The following CCDC125 variants were observed in gnomAD, a reference collection of about 807,000 sequenced individuals.
CCDC125 encodes the protein coiled-coil domain-containing protein 125.
Under a neutral mutation model 57.4 loss-of-function variants are expected in CCDC125, and 43 were observed. The ratio of observed to expected loss-of-function variants is 0.75; its 90% CI spans 0.59 to 0.97. CCDC125 has a LOEUF of 0.97. Among genes scored for constraint, CCDC125 ranks in the 50% least tolerant of loss-of-function variants. CCDC125 has a pLI of 0.00. For synonymous variants in CCDC125, 187 were observed against 195.2 expected (o/e 0.96, Z 0.35); for missense variants, 563 against 595.7 (o/e 0.95, Z 0.57).
Position 69,285,452 on chromosome 5 carries a change from C to T in CCDC125, c.1115G>A (p.Arg372Lys), listed in dbSNP as rs1561400300. Residue 372 changes from arginine to lysine, a missense_variant, in exon 11 of 12, where the codon AGG becomes AAG. Arg to Lys is a conservative substitution (Grantham distance 26). Coordinates refer to ENST00000396496, the MANE Select transcript of CCDC125 (RefSeq NM_176816.5). ...HLKEDGFPSPRSKKTFGQRLL... is the reference protein window; with the variant it reads ...HLKEDGFPSPKSKKTFGQRLL... ...TCTCTGCCCGAAGGTCTTCTTACTC[C>T]TTGGTGATGGAAATCCTAAAATTGA... 1 of 1,598,944 alleles carries T rather than the reference C, an allele frequency of 6.3e-7. No individual in the cohort carries two copies. The highest frequency in any genetic ancestry group is 1.4e-5 in the African/African-American group (1 of 74,014).
intron 1 of CCDC125, among the ~76,000 whole-genome samples, chr5:69,323,172 TG>T (rs1179287490): frequency 6.6e-6 from 1 of 151,682 alleles, no homozygotes; most frequent in Non-Finnish European, 1.5e-5. Context: ...AGCCGGGCAT[TG>T]TGGCGTGTGC....
chr5:69,316,405 C>T (rs1175795227), intron 2 of CCDC125, among the ~76,000 whole-genome samples: 2 of 152,142 alleles, frequency 1.3e-5, no homozygotes, highest in Non-Finnish European at 2.9e-5. Flanking sequence ...GTGAGAAAGA[C>T]TCAGCCATCG....
At chr5:69,313,574 C>T in intron 3 of CCDC125, 1 of 739,376 alleles carries the variant, frequency 1.4e-6, no homozygotes, top group Non-Finnish European at 2.5e-6. Context: ...AAGATAAACA[C>T]CAGGTCCTCC....
At chr5:69,283,303 T>C (rs1219048117) in intron 11 of CCDC125, among the ~76,000 whole-genome samples, 1 of 150,298 alleles carries the variant, frequency 6.7e-6, no homozygotes, top group Non-Finnish European at 1.5e-5. Flanking sequence ...CACTGCAAGC[T>C]CTGCCTCCCA....
At chr5:69,289,880 A>G (rs1376152236) in intron 10 of CCDC125, among the ~76,000 whole-genome samples, 1 of 147,358 alleles carries the variant, frequency 6.8e-6, no homozygotes, top group Non-Finnish European at 1.5e-5. Context: ...AAAAAAAAAA[A>G]GCTACTAAAA....
In CCDC125 at chr5:69,320,460, A is replaced by G. The variant is rs753531220; in HGVS notation, c.81T>C (p.Asp27=). 6.2e-7 allele frequency: 1 copy of G among 1,613,450 alleles called. No homozygotes were observed. Among genetic ancestry groups the G allele is most frequent in the South Asian group, 1.1e-5 (1 of 91,070 alleles). ...ETEEDDMTEG[D]LGYGLGRKPG... ...GTTTCCTTCCGAGGCCATACCCTAA[A>G]TCACCTTCTGTCATGTCATCCTCTT... The change falls in exon 2 of 12, where the codon GAT becomes GAC. Residue 27 remains aspartate (D), a synonymous_variant. Transcript: ENST00000396496.
chr5:69,330,833 T>C (rs1313080909), intron 1 of CCDC125, among the ~76,000 whole-genome samples: 1 of 152,104 alleles, frequency 6.6e-6, no homozygotes, highest in Non-Finnish European at 1.5e-5. Flanking sequence ...TCTCTTTAAT[T>C]CCCCAAGGCT....
intron 10 of CCDC125, among the ~76,000 whole-genome samples, chr5:69,285,750 G>C (rs1429647554): frequency 6.6e-6 from 1 of 152,202 alleles, no homozygotes; most frequent in Non-Finnish European, 1.5e-5. Flanking sequence ...AGAGCAGCCA[G>C]AAATGCAGAT....
chr5:69,292,759 C>G (rs1162760435), intron 9 of CCDC125, among the ~76,000 whole-genome samples: 1 of 152,148 alleles, frequency 6.6e-6, no homozygotes, highest in Non-Finnish European at 1.5e-5. Flanking sequence ...TGAATACGAC[C>G]TTTCAAATAC....
At chr5:69,276,986 G>GA (rs1752218947), downstream of CCDC125, 4 of 846,276 alleles carry the variant, frequency 4.7e-6, no homozygotes, top group Admixed American at 2.7e-5. Flanking sequence ...AGTGCTACTG[G>GA]AAAAAATGTG....
chr5:69,306,736 CAAA>C (rs1757387516), intron 6 of CCDC125, 78 bp downstream of exon 6: 1 of 1,305,796 alleles, frequency 7.7e-7, no homozygotes, highest in African/African-American at 1.5e-5. Flanking sequence ...GCACTTGGCT[CAAA>C]GAAGAAAGCA....
Position 69,311,202 on chromosome 5 carries a change from C to G in CCDC125, c.369G>C (p.Glu123Asp), listed in dbSNP as rs754297455. The change falls in exon 4 of 12, where the codon GAG (glutamate) becomes GAC (aspartate). Residue 123 changes from glutamate to aspartate, a missense_variant and splice_region_variant. By Grantham distance (45) the Glu-to-Asp change is conservative. Transcript: ENST00000396496. Reference protein sequence around the residue: ...LRQCLNETLEEVEMLKTELEA... With the variant: ...LRQCLNETLEDVEMLKTELEA... ...CAAGTTCAGTTTTTAACATTTCTAC[C>G]TCCTGAGGACAGAAAGAAAATTAGT... 4.4e-6 allele frequency: 7 copies of G among 1,591,772 alleles called. 1 individual carries two copies. Among genetic ancestry groups the G allele is most frequent in the Non-Finnish European group, 6.0e-6 (7 of 1,162,360 alleles).
chr5:69,284,078 T>C (rs929122649), intron 11 of CCDC125, among the ~76,000 whole-genome samples: 5 of 151,852 alleles, frequency 3.3e-5, no homozygotes, highest in Admixed American at 2.6e-4. Context: ...CATGAGCCAC[T>C]GTGCCCAGCC....
chr5:69,305,716 C>T (rs1328612492), intron 6 of CCDC125, among the ~76,000 whole-genome samples: 1 of 152,178 alleles, frequency 6.6e-6, no homozygotes, highest in Non-Finnish European at 1.5e-5. Context: ...TGCAAGCCTG[C>T]ACCGAGTCAA....
intron 7 of CCDC125, 23 bp from the exon 8 acceptor site, chr5:69,300,150 G>T (rs1756147807): frequency 1.3e-6 from 2 of 1,552,002 alleles, no homozygotes; most frequent in African/African-American, 2.7e-5. Context: ...ATATGAGAAA[G>T]TATTCATTAT....
chr5:69,282,751 A>C lies in CCDC125; in HGVS notation c.1514T>G (p.Leu505Trp). The C allele has an allele frequency of 6.3e-7, 1 of 1,593,870 alleles. No individual in the cohort carries two copies. Among genetic ancestry groups the C allele is most frequent in the Non-Finnish European group, 8.5e-7 (1 of 1,172,076 alleles). ...TCTTTAAAATATGATACTTGATGGC[A>C]AAGAATGGGATCTTTTAAGAGTTCT... Reference protein sequence around the residue: ...NYRTLKRSHSLPSSIIF With the variant: ...NYRTLKRSHSWPSSIIF The change falls in exon 12 of 12, where the codon TTG becomes TGG. Residue 505 changes from leucine (L) to tryptophan (W), a missense_variant. Physicochemically the swap from Leu to Trp is moderately conservative, Grantham distance 61. Transcript: ENST00000396496.
At chr5:69,287,976 T>A (rs1344508921) in intron 10 of CCDC125, among the ~76,000 whole-genome samples, 1 of 152,184 alleles carries the variant, frequency 6.6e-6, no homozygotes, top group African/African-American at 2.4e-5. Context: ...GGAATCTTCC[T>A]TAGATTTGTC....
chr5:69,303,988 T>G (rs775128250), intron 6 of CCDC125, 59 bp from the exon 7 acceptor site: 1 of 931,016 alleles, frequency 1.1e-6, no homozygotes, highest in Non-Finnish European at 1.6e-6. Context: ...TGAGCGAGAA[T>G]ATTTTTATTG....
downstream of CCDC125, among the ~76,000 whole-genome samples, chr5:69,275,562 C>G (rs1173917713): frequency 6.6e-6 from 1 of 152,082 alleles, no homozygotes; most frequent in Non-Finnish European, 1.5e-5. Flanking sequence ...CTCCAAAATC[C>G]AAAGCTTTTT....
Sources: gnomAD v4.1 joint callset for allele counts (sites outside exome capture counted in the v4.1 genomes callset) on GRCh38, gnomAD v4.1.1 for gene constraint, MANE v1.5 for transcripts, NCBI Gene and HGNC (gene_info 2026-07-23, HGNC 2026-07-21) for gene names.